Variants in OPCML observed in about 807,000 individuals in gnomAD.
The protein encoded by OPCML is opioid-binding protein/cell adhesion molecule.
A neutral mutation model predicts 37.8 loss-of-function variants in OPCML; 13 were observed. The ratio of observed to expected loss-of-function variants is 0.34; its 90% CI spans 0.22 to 0.55. OPCML has a LOEUF of 0.55. Among genes scored for constraint, OPCML ranks in the 20% least tolerant of loss-of-function variants. The pLI is 0.91. For missense variants in OPCML, 341 were observed against 435.6 expected (o/e 0.78, Z 1.93); for synonymous variants, 176 against 168.8 (o/e 1.04, Z -0.33).
At chr11:133,483,795 T>TAGATGATA (rs1555165668) in intron 1 of OPCML, among the ~76,000 whole-genome samples, 1 of 132,346 alleles carries the variant, frequency 7.6e-6, no homozygotes, top group East Asian at 2.2e-4. Flanking sequence ...GATACATAGA[T>TAGATGATA]GATAGATAGA....
chr11:132,677,898 A>G (rs1942780102), intron 2 of OPCML, among the ~76,000 whole-genome samples: 1 of 152,202 alleles, frequency 6.6e-6, no homozygotes, highest in Non-Finnish European at 1.5e-5. Flanking sequence ...AAGAATTGAT[A>G]CGCTGGATTT....
intron 1 of OPCML, among the ~76,000 whole-genome samples, chr11:133,236,637 T>A (rs1255776551): frequency 6.6e-6 from 1 of 152,236 alleles, no homozygotes; most frequent in Non-Finnish European, 1.5e-5. Flanking sequence ...TATGTTATGT[T>A]CTTAGCTCCC....
chr11:133,209,870 A>G (rs1592107154), intron 1 of OPCML, among the ~76,000 whole-genome samples: 1 of 152,372 alleles, frequency 6.6e-6, no homozygotes, highest in East Asian at 1.9e-4. Context: ...TTTCACCTCT[A>G]TTTATTATTA....
chr11:132,991,706 T>C (rs1235704719), intron 1 of OPCML, among the ~76,000 whole-genome samples: 1 of 152,188 alleles, frequency 6.6e-6, no homozygotes, highest in Non-Finnish European at 1.5e-5. Context: ...GCCACAAACC[T>C]GAGGCGTCTG....
chr11:132,752,444 A>T (rs950788363), intron 2 of OPCML, among the ~76,000 whole-genome samples: 5 of 152,180 alleles, frequency 3.3e-5, no homozygotes, highest in Non-Finnish European at 7.3e-5. Context: ...AGTGATTTGC[A>T]TGCCAACAAA....
chr11:132,472,144 G>A (rs2096139911), intron 4 of OPCML, among the ~76,000 whole-genome samples: 1 of 152,156 alleles, frequency 6.6e-6, no homozygotes, highest in Non-Finnish European at 1.5e-5. Flanking sequence ...GTCACATAAA[G>A]GGAATATCCC....
intron 1 of OPCML, among the ~76,000 whole-genome samples, chr11:133,051,607 G>T (rs1006097324): frequency 6.6e-6 from 1 of 152,110 alleles, no homozygotes; most frequent in African/African-American, 2.4e-5. Context: ...GCAGCACATG[G>T]CTATCTCTTG....
intron 2 of OPCML, among the ~76,000 whole-genome samples, chr11:132,683,450 G>A (rs941413984): frequency 3.3e-5 from 5 of 152,114 alleles, no homozygotes; most frequent in African/African-American, 1.2e-4. Context: ...TGCTCAGACT[G>A]GAAAAAGTAG....
chr11:133,420,672 G>C (rs181246064), intron 1 of OPCML: 1 of 985,386 alleles, frequency 1.0e-6, no homozygotes, highest in East Asian at 1.1e-4. Context: ...TAATCAGGAA[G>C]TTGAAAAGGA....
At chr11:132,516,589 G>A (rs1468608846) in intron 4 of OPCML, among the ~76,000 whole-genome samples, 2 of 152,154 alleles carry the variant, frequency 1.3e-5, no homozygotes, top group Non-Finnish European at 1.5e-5. Flanking sequence ...GAGATGCAAG[G>A]GATACTTTCT....
intron 3 of OPCML, among the ~76,000 whole-genome samples, chr11:132,572,965 T>C (rs2096442000): frequency 6.6e-6 from 1 of 151,984 alleles, no homozygotes; most frequent in East Asian, 1.9e-4. Context: ...ATTTTTCACC[T>C]CTATAGTTAA....
At chr11:132,761,269 T>C (rs1470153254) in intron 2 of OPCML, among the ~76,000 whole-genome samples, 2 of 150,126 alleles carry the variant, frequency 1.3e-5, no homozygotes, top group Non-Finnish European at 3.0e-5. Flanking sequence ...TTGGTAAATC[T>C]GGTGATTATG....
chr11:132,574,496 T>C (rs191101444), intron 3 of OPCML, among the ~76,000 whole-genome samples: 98 of 152,054 alleles, frequency 6.4e-4, no homozygotes, highest in African/African-American at 2.2e-3. Flanking sequence ...TACATAATTT[T>C]TTAAAAAATT....
intron 2 of OPCML, among the ~76,000 whole-genome samples, chr11:132,767,676 A>T (rs769516681): frequency 6.6e-6 from 1 of 152,214 alleles, no homozygotes; most frequent in Non-Finnish European, 1.5e-5. Context: ...TGTGCTTACC[A>T]GGTGTACTTG....
chr11:132,420,287 C>T lies in OPCML; in HGVS notation c.923G>A (p.Gly308Glu), dbSNP rs1465422498. 6.2e-7 allele frequency: 1 copy of T among 1,613,718 alleles called. No individual in the cohort carries two copies. Among genetic ancestry groups the T allele is most frequent in the Non-Finnish European group, 8.5e-7 (1 of 1,179,770 alleles). Residue 308 changes from glycine to glutamate, a missense_variant, in exon 8 of 8, where the codon GGA becomes GAA. Transcript: ENST00000524381. ...TNASITLYGP[G>E]AVIDGVNSAS... ...CGAGTTTACACCATCAATGACTGCT[C>T]CAGGCCCTGTGTAGGGGAGAGAGAG...
At chr11:133,109,990 A>T (rs1949225270) in intron 1 of OPCML, among the ~76,000 whole-genome samples, 1 of 152,178 alleles carries the variant, frequency 6.6e-6, no homozygotes. Flanking sequence ...ACATTTGACA[A>T]TCTCTAGAGA....
At chr11:133,010,494 G>C (rs1947194208) in intron 1 of OPCML, among the ~76,000 whole-genome samples, 1 of 152,180 alleles carries the variant, frequency 6.6e-6, no homozygotes, top group Non-Finnish European at 1.5e-5. Context: ...AAGAAATACA[G>C]TCTGGATCAT....
At chr11:133,344,342 T>G (rs142195131) in intron 1 of OPCML, among the ~76,000 whole-genome samples, 1 of 152,338 alleles carries the variant, frequency 6.6e-6, no homozygotes, top group Non-Finnish European at 1.5e-5. Flanking sequence ...CATTACCTAC[T>G]GCTATAGTCC....
chr11:132,853,295 T>C (rs1941898112), intron 2 of OPCML, among the ~76,000 whole-genome samples: 2 of 152,172 alleles, frequency 1.3e-5, no homozygotes, highest in Admixed American at 1.3e-4. Context: ...AGATTGGTGG[T>C]GTTATTAATA....
Sources: allele counts gnomAD v4.1 joint callset (sites outside exome capture counted in the v4.1 genomes callset), GRCh38; gene constraint gnomAD v4.1.1; transcripts MANE v1.5; gene names NCBI Gene and HGNC (gene_info 2026-07-23, HGNC 2026-07-21).